MLIP: variants seen among roughly 807,000 people sequenced by gnomAD.
MLIP encodes muscular LMNA interacting protein.
A neutral mutation model predicts 84.8 loss-of-function variants in MLIP; 79 were observed. That is an observed-to-expected ratio of 0.93 (90% CI 0.78 to 1.12). The LOEUF is 1.12. MLIP is among the 50% of genes most tolerant of loss of function. The probability of loss-of-function intolerance (pLI) is 0.00; values close to 1 mark genes in which losing one functional copy is unlikely to be tolerated. For synonymous variants in MLIP, 504 were observed against 463.0 expected, an observed-to-expected ratio of 1.09 and a Z score of -1.14; for missense variants, 1,257 against 1,160.6, an observed-to-expected ratio of 1.08 and a Z score of -1.21.
chr6:54,259,712 G>T (rs1344938200), intron 13 of MLIP, among the ~76,000 whole-genome samples: 1 of 151,848 alleles, frequency 6.6e-6, no homozygotes. Flanking sequence ...ATTTGTGAGA[G>T]ACAATACCTA....
At chr6:54,261,782 A>G (rs1294881661) in intron 13 of MLIP, 17 of 967,528 alleles carry the variant, frequency 1.8e-5, no homozygotes, top group Non-Finnish European at 2.0e-5. Context: ...TCAAGGGTAA[A>G]AATAAAATTA....
At chr6:54,140,035 T>G (rs1317269508) in intron 4 of MLIP, among the ~76,000 whole-genome samples, 2 of 152,150 alleles carry the variant, frequency 1.3e-5, no homozygotes, top group African/African-American at 4.8e-5. Flanking sequence ...TTGAGGTAAA[T>G]TGACCTGTTT....
At chr6:54,027,123 A>T (rs1191756320) in intron 1 of MLIP, among the ~76,000 whole-genome samples, 1 of 152,146 alleles carries the variant, frequency 6.6e-6, no homozygotes, top group Admixed American at 6.5e-5. Context: ...TATTAGATGA[A>T]ACCTTCCTTT....
intron 12 of MLIP, among the ~76,000 whole-genome samples, chr6:54,237,600 C>T (rs1781451423): frequency 6.6e-6 from 1 of 151,006 alleles, no homozygotes; most frequent in East Asian, 1.9e-4. Context: ...AATCCCAACA[C>T]TTTGAGAAGC....
intron 1 of MLIP, among the ~76,000 whole-genome samples, chr6:54,070,605 G>C (rs1582070864): frequency 6.6e-6 from 1 of 151,594 alleles, no homozygotes; most frequent in South Asian, 2.1e-4. Context: ...GATTTTTTTT[G>C]GTTGCCCAGG....
chr6:54,099,962 T>G (rs1372581793), intron 1 of MLIP, among the ~76,000 whole-genome samples: 1 of 152,134 alleles, frequency 6.6e-6, no homozygotes, highest in Non-Finnish European at 1.5e-5. Context: ...GAAAAGTGCT[T>G]TGGAGTACAT....
intron 13 of MLIP, among the ~76,000 whole-genome samples, chr6:54,261,007 AAAG>A (rs1349687409): frequency 6.6e-6 from 1 of 152,130 alleles, no homozygotes; most frequent in East Asian, 1.9e-4. Context: ...GCTCATTTTC[AAAG>A]AAGAATACTT....
At chr6:54,056,146 A>C (rs1017206659) in intron 1 of MLIP, among the ~76,000 whole-genome samples, 18 of 152,218 alleles carry the variant, frequency 1.2e-4, no homozygotes, top group African/African-American at 4.3e-4. Context: ...CAAGCATCCT[A>C]CCCATCAGCT....
At chr6:54,037,311 C>G (rs932993508) in intron 1 of MLIP, among the ~76,000 whole-genome samples, 1 of 151,938 alleles carries the variant, frequency 6.6e-6, no homozygotes, top group Admixed American at 6.6e-5. Flanking sequence ...TGCTAATCTT[C>G]TATGGCTTTC....
intron 1 of MLIP, among the ~76,000 whole-genome samples, chr6:54,030,858 T>C (rs1486597301): frequency 1.3e-5 from 2 of 152,298 alleles, no homozygotes; most frequent in African/African-American, 4.8e-5. Flanking sequence ...CAAAGAAATA[T>C]ACAAATATTT....
intron 4 of MLIP, among the ~76,000 whole-genome samples, chr6:54,139,434 T>C (rs1772104720): frequency 1.3e-5 from 2 of 151,778 alleles, no homozygotes; most frequent in South Asian, 4.2e-4. Flanking sequence ...AGGAAAGAAG[T>C]TGGCATTTCA....
chr6:54,191,758 T>C (rs1045626609), intron 10 of MLIP, among the ~76,000 whole-genome samples: 7 of 152,132 alleles, frequency 4.6e-5, no homozygotes, highest in Admixed American at 2.6e-4. Context: ...CCACTTTAGA[T>C]ATGGAAATAT....
chr6:54,213,488 G>A (rs1035866706), intron 11 of MLIP, among the ~76,000 whole-genome samples: 1 of 152,020 alleles, frequency 6.6e-6, no homozygotes, highest in Admixed American at 6.5e-5. Context: ...GATTACCTGA[G>A]GTCTGGAGTT....
intron 8 of MLIP, 145 bp downstream of exon 8, chr6:54,160,944 T>C (rs926254699): frequency 7.3e-6 from 5 of 688,904 alleles, no homozygotes; most frequent in Non-Finnish European, 1.2e-5. Context: ...TTAAAGATAG[T>C]AAATATTAGA....
intron 12 of MLIP, among the ~76,000 whole-genome samples, chr6:54,238,715 G>C (rs1042134914): frequency 1.3e-5 from 2 of 152,194 alleles, no homozygotes; most frequent in African/African-American, 4.8e-5. Context: ...GTGAAAACTT[G>C]AGAGGTTTTA....
chr6:54,186,247 T>G (rs1777380633), intron 9 of MLIP, among the ~76,000 whole-genome samples: 1 of 152,222 alleles, frequency 6.6e-6, no homozygotes, highest in Admixed American at 6.5e-5. Context: ...CTCTGAAATA[T>G]TTGCAATTTC....
chr6:54,078,966 C>T (rs2150354434), intron 1 of MLIP, among the ~76,000 whole-genome samples: 1 of 152,232 alleles, frequency 6.6e-6, no homozygotes, highest in East Asian at 1.9e-4. Flanking sequence ...GCTGGGATTA[C>T]AGGCATGAAC....
chr6:54,124,773 G>A lies in MLIP; in HGVS notation c.553G>A (p.Val185Ile), dbSNP rs758206556. ...LAISSSLVSD[V>I]VRPKTQGTDL... ...TATCTCGTCCAGTCTGGTCTCTGAT[G>A]TAGTGCGTCCCAAAACACAGGGGAC... The change falls in exon 3 of 14, where the codon GTA becomes ATA. Residue 185 changes from valine to isoleucine, a missense_variant. Coordinates refer to ENST00000502396, the MANE Select transcript of MLIP (RefSeq NM_001281747.2). The A allele has an allele frequency of 6.2e-7, 1 of 1,614,198 alleles. No individual in the cohort carries two copies. Among genetic ancestry groups the A allele is most frequent in the Admixed American group, 1.7e-5 (1 of 60,030 alleles).
At chr6:54,251,916 ATAATAT>A (rs1782579003) in intron 12 of MLIP, among the ~76,000 whole-genome samples, 1 of 86,544 alleles carries the variant, frequency 1.2e-5, no homozygotes, top group Non-Finnish European at 1.9e-5. Flanking sequence ...CATATAATAT[ATAATAT>A]AAATATATAT....
Sources: allele counts gnomAD v4.1 joint callset (sites outside exome capture counted in the v4.1 genomes callset), GRCh38; gene constraint gnomAD v4.1.1; transcripts MANE v1.5; gene names NCBI Gene and HGNC (gene_info 2026-07-23, HGNC 2026-07-21).